Variants in UBQLN4 observed in about 807,000 individuals in gnomAD.
UBQLN4 encodes ubiquilin 4, also known as ubiquilin-4.
A neutral mutation model predicts 60.4 loss-of-function variants in UBQLN4; 11 were observed. That is an observed-to-expected ratio of 0.18 (90% CI 0.11 to 0.30). The LOEUF is 0.30. Ranked by LOEUF, UBQLN4 falls within the 10% of genes least tolerant of loss-of-function variation. The pLI, the probability that UBQLN4 is intolerant of heterozygous loss-of-function variation, is 1.00. For synonymous variants in UBQLN4, 258 were observed against 313.1 expected, an observed-to-expected ratio of 0.82 and a Z score of 1.86; for missense variants, 417 against 795.5, an observed-to-expected ratio of 0.52 and a Z score of 5.72.
intron 6 of UBQLN4, among the ~76,000 whole-genome samples, chr1:156,043,642 C>G (rs1683625409): frequency 6.6e-6 from 1 of 152,140 alleles, no homozygotes; most frequent in South Asian, 2.1e-4. Flanking sequence ...CTGCACATCC[C>G]TTTCCCCCAG....
In UBQLN4 at chr1:156,041,615, C is replaced by A. The variant is rs530933582; in HGVS notation, c.1523G>T (p.Gly508Val). ...GGAAGTGGGGGCCTCGGGCGTAGAC[C>A]CTGCGTTGCTGCCTGCTGAGGGTGC... ...TPAPSAGSNAGSTPEAPTSSP... is the reference protein window; with the variant it reads ...TPAPSAGSNAVSTPEAPTSSP... The change falls in exon 10 of 11, where the codon GGG becomes GTG. Residue 508 changes from glycine to valine, a missense_variant. By Grantham distance (109) the Gly-to-Val change is moderately radical. Transcript: ENST00000368309. 6.2e-7 allele frequency: 1 copy of A among 1,606,722 alleles called. No homozygotes were observed. The highest frequency in any genetic ancestry group is 1.3e-5 in the African/African-American group (1 of 74,790).
At chr1:156,039,960 AG>A (rs1683510806) in intron 10 of UBQLN4, among the ~76,000 whole-genome samples, 1 of 135,426 alleles carries the variant, frequency 7.4e-6, no homozygotes, top group African/African-American at 2.7e-5. Context: ...AAAAAAAAAA[AG>A]ACTCTTATAG....
At chr1:156,042,008 A>G (rs1178171203) in intron 8 of UBQLN4, 21 bp from the exon 9 acceptor site, 2 of 1,613,810 alleles carry the variant, frequency 1.2e-6, no homozygotes, top group African/African-American at 2.7e-5. Context: ...ATAAGCAGAG[A>G]AAGGCATCAA....
intron 7 of UBQLN4, 111 bp downstream of exon 7, chr1:156,042,663 T>C: frequency 6.8e-7 from 1 of 1,468,558 alleles, no homozygotes; most frequent in Non-Finnish European, 9.1e-7. Context: ...CAGCAGAGCT[T>C]GGGATGCAAA....
chr1:156,037,145 C>G lies in UBQLN4; in HGVS notation c.1654-15G>C. The G allele has an allele frequency of 6.2e-7, 1 of 1,612,688 alleles. No individual in the cohort carries two copies. Among genetic ancestry groups the G allele is most frequent in the Non-Finnish European group, 8.5e-7 (1 of 1,179,428 alleles). On this transcript the variant is annotated splice_polypyrimidine_tract_variant and intron_variant, in intron 10 of 10. Coordinates refer to ENST00000368309, the MANE Select transcript of UBQLN4 (RefSeq NM_020131.5). ...GGCGTCTGCACCTGGAGGGGACAGG[C>G]CTTGTGAAGTGGGCACAGGACCAAT...
At chr1:156,051,349 T>G in intron 2 of UBQLN4, 22 bp from the exon 3 acceptor site, 1 of 1,551,010 alleles carries the variant, frequency 6.4e-7, no homozygotes, top group Non-Finnish European at 8.7e-7. Flanking sequence ...GAAAGGAGAA[T>G]CCTGTTGGAG....
At position 156,051,838 on chromosome 1, in the gene UBQLN4, C is replaced by A. The variant is rs369842697; in HGVS notation, c.128G>T (p.Arg43Leu). The A allele has an allele frequency of 1.9e-6, 3 of 1,614,116 alleles. No homozygotes were observed. Among genetic ancestry groups the A allele is most frequent in the Non-Finnish European group, 2.5e-6 (3 of 1,180,010 alleles). Residue 43 changes from arginine (R) to leucine (L), a missense_variant, in exon 2 of 11, where the codon CGG (arginine) becomes CTG (leucine). Transcript: ENST00000368309. ...CTGATCCTGCTGAGCCTTAAACCTC[C>A]GGGAGATTTCCTCTTTGAACTGTGA... ...SVKEFKEEIS[R>L]RFKAQQDQLV...
Position 156,048,246 on chromosome 1 carries a change from T to G in UBQLN4, c.900+255A>C, listed in dbSNP as rs146900948. On this transcript the variant is annotated intron_variant, in intron 5 of 10. Transcript: ENST00000368309. This position sits in a 1 kb window ranked among gnomAD's most constrained non-coding sequence, Gnocchi z 4.9. ...TGCCACGTGACCTTTGAGCCCCTGGTACAAGAAGTTTGTCAGGATGTCAAG... is the reference window on the plus strand; with the variant it reads ...TGCCACGTGACCTTTGAGCCCCTGGGACAAGAAGTTTGTCAGGATGTCAAG... Among the ~76,000 whole-genome samples, 1,653 of 152,292 alleles carry G rather than the reference T, an allele frequency of 0.011. 35 individuals are homozygous for G. The highest frequency in any genetic ancestry group is 0.038 in the African/African-American group (1,573 of 41,544).
chr1:156,049,438 G>A (rs1282916655), intron 4 of UBQLN4, among the ~76,000 whole-genome samples: 4 of 152,120 alleles, frequency 2.6e-5, no homozygotes, highest in Non-Finnish European at 4.4e-5. Flanking sequence ...TGTCAACCCC[G>A]GGGGAGTTCA....
In UBQLN4 at chr1:156,036,123, T is replaced by C. The variant is rs34487584; in HGVS notation, c.*855A>G. ...GCGCTTAGCTTCATTGGGCTCCTTT[T>C]TTCAGTTTAAATTCCATTAGCATCT... On this transcript the variant is annotated 3_prime_UTR_variant, in exon 11 of 11. Coordinates refer to ENST00000368309, the MANE Select transcript of UBQLN4 (RefSeq NM_020131.5). The C allele has an allele frequency of 1.0e-6, 1 of 985,482 alleles. No homozygotes were observed. Among genetic ancestry groups the C allele is most frequent in the Non-Finnish European group, 1.2e-6 (1 of 829,956 alleles). The allele number at this position is 985,482 out of a possible 1,614,324, so 61.0% of individuals were successfully genotyped here.
At position 156,044,243 on chromosome 1, in the gene UBQLN4, T is replaced by C; in HGVS notation, c.901-20A>G. 1 of 1,552,304 alleles carries C rather than the reference T, an allele frequency of 6.4e-7. No individual in the cohort carries two copies. Among genetic ancestry groups the C allele is most frequent in the South Asian group, 1.2e-5 (1 of 84,198 alleles). ...GCCAAACTGGGAGGAGGGAAAGGTT[T>C]TGGGTTAAGGACTGAAACAAATCAG... On this transcript the variant is annotated intron_variant, in intron 5 of 10. Coordinates refer to ENST00000368309, the MANE Select transcript of UBQLN4 (RefSeq NM_020131.5).
rs768434487 is a variant in UBQLN4, at chr1:156,051,322, T to G, written c.266A>C (p.Gln89Pro). The G allele has an allele frequency of 6.4e-7, 1 of 1,553,506 alleles. No individual in the cohort carries two copies. The highest frequency in any genetic ancestry group is 2.4e-5 in the East Asian group (1 of 41,176). ...AGAAGCAGTGGCAGCAGCTGGATCT[T>G]GAGCCCTGAGGACAGAGAAAGGAGA... ...HLVIKTPQKA[Q>P]DPAAATASSP... The change falls in exon 3 of 11, where the codon CAA (glutamine) becomes CCA (proline). Residue 89 changes from glutamine to proline, a missense_variant. Transcript: ENST00000368309.
chr1:156,037,173 T>C lies in UBQLN4; in HGVS notation c.1654-43A>G. On this transcript the variant is annotated intron_variant, in intron 10 of 10. Transcript: ENST00000368309. ...TGTGAAGTGGGCACAGGACCAATCT[T>C]GGGGGCCCTATTTGAATTAAGGGTT... The C allele has an allele frequency of 3.8e-6, 6 of 1,595,164 alleles. No homozygotes were observed. The African/African-American group carries it at 5.4e-5, about 14-fold the overall frequency.
intron 5 of UBQLN4, among the ~76,000 whole-genome samples, chr1:156,044,802 C>T (rs1160582290): frequency 1.3e-5 from 2 of 152,090 alleles, no homozygotes; most frequent in African/African-American, 2.4e-5. Context: ...TCCATCCAGG[C>T]ACACCACAGT....
At chr1:156,041,717 G>A in intron 9 of UBQLN4, 46 bp from the exon 10 acceptor site, 1 of 1,471,854 alleles carries the variant, frequency 6.8e-7, no homozygotes, top group South Asian at 1.4e-5. Flanking sequence ...ATCCAAGAAA[G>A]GGATGAGAAT....
Position 156,042,951 on chromosome 1 carries a change from G to A in UBQLN4, c.1127-38C>T, listed in dbSNP as rs2102745174. 2.5e-6 allele frequency: 4 copies of A among 1,602,850 alleles called. No individual in the cohort carries two copies. In the East Asian group the frequency reaches 6.7e-5, roughly 27 times the overall value. On this transcript the variant is annotated intron_variant, in intron 6 of 10. Transcript: ENST00000368309. ...GGAAAAAAAGAAAACAGGAGAGAAA[G>A]GGTCCAGATGGAAACCGAAGGCCTC...
intron 5 of UBQLN4, among the ~76,000 whole-genome samples, chr1:156,047,479 G>A (rs1389162713): frequency 4.0e-5 from 6 of 151,408 alleles, no homozygotes; most frequent in Admixed American, 2.6e-4. Context: ...TCCTGACCTC[G>A]TGATCCGCCC....
Position 156,036,782 on chromosome 1 carries a change from T to C in UBQLN4, c.*196A>G, listed in dbSNP as rs1242972988. 6.9e-7 allele frequency: 1 copy of C among 1,444,254 alleles called. No individual in the cohort carries two copies. The highest frequency in any genetic ancestry group is 1.4e-5 in the African/African-American group (1 of 70,422). 89.5% of individuals were successfully genotyped at this position (1,444,254 alleles called of 1,614,324 possible). ...AGGAGACCAGGAGAGAAGAGTCTGT[T>C]AGAGACGTAGCAGTAAAACCATAAT... is the stretch of plus-strand genomic sequence containing the variant. On this transcript the variant is annotated 3_prime_UTR_variant, in exon 11 of 11. Transcript: ENST00000368309.
intron 10 of UBQLN4, among the ~76,000 whole-genome samples, chr1:156,039,625 G>A (rs1683495027): frequency 6.6e-6 from 1 of 152,026 alleles, no homozygotes. Flanking sequence ...GAAAGCACAA[G>A]CCTTGATTAT....
Sources: gnomAD v4.1 joint callset for allele counts (sites outside exome capture counted in the v4.1 genomes callset) on GRCh38, gnomAD v4.1.1 for gene constraint, Gnocchi (gnomAD v3.1) non-coding constraint, MANE v1.5 for transcripts, NCBI Gene and HGNC (gene_info 2026-07-23, HGNC 2026-07-21) for gene names.